The following SGK3 variants were observed in gnomAD, a reference collection of about 807,000 sequenced individuals.
SGK3 encodes the protein serine/threonine-protein kinase Sgk3.
SGK3 carries 47 observed loss-of-function variants against 68.5 expected under a neutral mutation model. The observed-to-expected ratio is 0.69, with a 90% CI of 0.54 to 0.87. SGK3 has a LOEUF of 0.87. Among genes scored for constraint, SGK3 ranks in the 40% least tolerant of loss-of-function variants. The pLI is 0.00. For missense variants in SGK3, 479 were observed against 575.5 expected, an observed-to-expected ratio of 0.83 and a Z score of 1.72; for synonymous variants, 181 against 189.1, an observed-to-expected ratio of 0.96 and a Z score of 0.35.
intron 1 of SGK3, among the ~76,000 whole-genome samples, chr8:66,713,844 A>T (rs1333764181): frequency 6.6e-6 from 1 of 152,194 alleles, no homozygotes; most frequent in Non-Finnish European, 1.5e-5. Context: ...AGGAAGTTTT[A>T]GGCATGTTTT....
chr8:66,794,479 G>GA (rs377034278), intron 2 of SGK3, among the ~76,000 whole-genome samples: 72 of 140,590 alleles, frequency 5.1e-4, no homozygotes, highest in South Asian at 4.4e-3. Context: ...TCCTCCCCCT[G>GA]AAAAAAAAAA....
intron 5 of SGK3, among the ~76,000 whole-genome samples, chr8:66,818,182 T>G (rs887573040): frequency 1.3e-5 from 2 of 151,864 alleles, no homozygotes; most frequent in African/African-American, 4.8e-5. Flanking sequence ...GTAAGTAAAA[T>G]TGAAAACCAA....
chr8:66,827,109 C>T (rs1009952061), intron 6 of SGK3, among the ~76,000 whole-genome samples: 1 of 151,370 alleles, frequency 6.6e-6, no homozygotes, highest in East Asian at 1.9e-4. Flanking sequence ...TGGCCTGGTG[C>T]GGTGGCTCAC....
intron 1 of SGK3, among the ~76,000 whole-genome samples, chr8:66,725,585 A>G (rs1026335879): frequency 1.3e-5 from 2 of 151,814 alleles, no homozygotes; most frequent in African/African-American, 4.9e-5. Flanking sequence ...AGATCTATAT[A>G]TATCTAGCGT....
At chr8:66,849,894 A>G (rs1327655844) in intron 15 of SGK3, among the ~76,000 whole-genome samples, 1 of 152,126 alleles carries the variant, frequency 6.6e-6, no homozygotes, top group Admixed American at 6.5e-5. Context: ...TGGTGGTTTA[A>G]AAAACATTTC....
chr8:66,847,631 T>C (rs1243284971), intron 15 of SGK3, among the ~76,000 whole-genome samples: 1 of 152,172 alleles, frequency 6.6e-6, no homozygotes, highest in Admixed American at 6.5e-5. Flanking sequence ...CCTCCCCTTC[T>C]TTTTAAAAAG....
intron 10 of SGK3, among the ~76,000 whole-genome samples, chr8:66,838,962 C>CT (rs1809654933): frequency 6.6e-6 from 1 of 152,196 alleles, no homozygotes; most frequent in Admixed American, 6.5e-5. Flanking sequence ...GCAAGCCTCT[C>CT]TGAGCCTCAG....
intron 1 of SGK3, among the ~76,000 whole-genome samples, chr8:66,776,439 A>G (rs1311364528): frequency 6.6e-6 from 1 of 152,250 alleles, no homozygotes; most frequent in Non-Finnish European, 1.5e-5. Context: ...TTGCAAAACT[A>G]AGTAAACCAG....
chr8:66,806,853 T>C (rs560181444), intron 4 of SGK3, among the ~76,000 whole-genome samples: 43 of 150,526 alleles, frequency 2.9e-4, no homozygotes, highest in African/African-American at 8.8e-4. Flanking sequence ...AGAAATCTTA[T>C]GGAAATGTAA....
chr8:66,749,007 A>G (rs1805728980), intron 1 of SGK3, among the ~76,000 whole-genome samples: 1 of 151,994 alleles, frequency 6.6e-6, no homozygotes, highest in South Asian at 2.1e-4. Flanking sequence ...CGATCCTCCC[A>G]TCTCAGCCGC....
rs188683788 is a variant in SGK3, at chr8:66,803,082, G to A, written c.181-1293G>A. On this transcript the variant is annotated intron_variant, in intron 3 of 16. Transcript: ENST00000521198. ...CCTTAATATTGGATATCCAATTAAG[G>A]TTTATGTGACTGATTGATAAGTCTG... is the stretch of plus-strand genomic sequence containing the variant. Among the ~76,000 whole-genome samples, 437 of 152,240 alleles carry A rather than the reference G, an allele frequency of 2.9e-3. 3 individuals carry two copies. Among genetic ancestry groups the A allele is most frequent in the African/African-American group, 0.01 (426 of 41,532 alleles).
intron 1 of SGK3, among the ~76,000 whole-genome samples, chr8:66,723,114 TATATATATATATATATA>T (rs1378517242): frequency 0.012 from 651 of 53,720 alleles, 26 homozygotes; most frequent in Non-Finnish European, 0.018. Context: ...TATATATATA[TATATATATATATATATA>T]TTTTTTTTTT....
intron 1 of SGK3, among the ~76,000 whole-genome samples, chr8:66,744,502 TATATATATATATATATA>T (rs1412249435): frequency 0.15 from 5,165 of 34,132 alleles, 487 homozygotes; most frequent in African/African-American, 0.35. Context: ...TATATATATA[TATATATATATATATATA>T]TTTTTTTTTT....
At chr8:66,828,600 A>G in intron 6 of SGK3, 54 bp from the exon 7 acceptor site, 1 of 1,608,124 alleles carries the variant, frequency 6.2e-7, no homozygotes. Context: ...CAAAACATTA[A>G]TTAATTTTTG....
intron 1 of SGK3, among the ~76,000 whole-genome samples, chr8:66,786,923 GT>G (rs1807224534): frequency 1.2e-5 from 1 of 86,682 alleles, no homozygotes; most frequent in Non-Finnish European, 2.2e-5. Context: ...GATTTTCTCT[GT>G]CTTTTTTTTT....
chr8:66,757,637 A>C (rs1448365751), intron 1 of SGK3, among the ~76,000 whole-genome samples: 1 of 151,612 alleles, frequency 6.6e-6, no homozygotes, highest in Admixed American at 6.6e-5. Context: ...AAATATGGCC[A>C]GGTGCAGTGG....
chr8:66,817,393 T>G (rs1447898800), intron 5 of SGK3, among the ~76,000 whole-genome samples: 1 of 150,318 alleles, frequency 6.7e-6, no homozygotes, highest in African/African-American at 2.4e-5. Flanking sequence ...ATCGTGCCAC[T>G]GCACTCCAGC....
At position 66,859,545 on chromosome 8, in the gene SGK3, C is replaced by T; in HGVS notation, c.1455C>T (p.Phe485=). The T allele has an allele frequency of 1.2e-6, 2 of 1,612,436 alleles. No individual in the cohort carries two copies. Among genetic ancestry groups the T allele is most frequent in the Non-Finnish European group, 8.5e-7 (1 of 1,178,916 alleles). ...AGGCAGATGATGCATTCGTTGGTTT[C>T]TCTTATGCACCTCCTTCAGAAGACT... The part of the protein sequence containing the change: ...VLEADDAFVG[F]SYAPPSEDLF... Residue 485 remains phenylalanine (F), a synonymous_variant, in exon 17 of 17, where the codon TTC becomes TTT. Coordinates refer to ENST00000521198, the MANE Select transcript of SGK3 (RefSeq NM_001033578.3).
At position 66,840,010 on chromosome 8, in the gene SGK3, T is replaced by C. The variant is rs1255118889; in HGVS notation, c.749T>C (p.Phe250Ser). The C allele has an allele frequency of 1.2e-6, 2 of 1,613,432 alleles. No individual in the cohort carries two copies. The highest frequency in any genetic ancestry group is 1.7e-5 in the Admixed American group (1 of 59,860). ...LDFVNGGELFFHLQRERSFPE... is the reference protein window; with the variant it reads ...LDFVNGGELFSHLQRERSFPE... ...CCACAACCAATTTGACAGCTTTTTT[T>C]CCACTTACAAAGAGAACGGTCCTTT... Residue 250 changes from phenylalanine to serine, a missense_variant, in exon 11 of 17, where the codon TTC (phenylalanine) becomes TCC (serine). Phe to Ser is a radical substitution (Grantham distance 155, BLOSUM62 -2). This residue lies in a region of SGK3 where 298 missense variants were observed against 329.4 expected (regional missense o/e 0.90). Transcript: ENST00000521198.
Sources: gnomAD v4.1 joint callset for allele counts (sites outside exome capture counted in the v4.1 genomes callset) on GRCh38, gnomAD v4.1.1 for gene constraint, gnomAD v4.1.1 regional missense constraint, MANE v1.5 for transcripts, NCBI Gene and HGNC (gene_info 2026-07-23, HGNC 2026-07-21) for gene names.